Variants in MMP26 observed in about 807,000 individuals in gnomAD.
MMP26 encodes the protein matrix metallopeptidase 26.
Under a neutral mutation model 31.0 loss-of-function variants are expected in MMP26, and 33 were observed. That is an observed-to-expected ratio of 1.06 (90% CI 0.81 to 1.42). The LOEUF (loss-of-function observed/expected upper bound fraction) is 1.42, where lower values mean the gene tolerates loss of function less well. MMP26 is among the 40% of genes most tolerant of loss of function. The probability of loss-of-function intolerance (pLI) is 0.00; values close to 1 mark genes in which losing one functional copy is unlikely to be tolerated. For synonymous variants in MMP26, 122 were observed against 114.9 expected, an observed-to-expected ratio of 1.06 and a Z score of -0.40; for missense variants, 347 against 316.1, an observed-to-expected ratio of 1.10 and a Z score of -0.74.
chr11:4,821,476 A>C, intron 2 of MMP26: 2 of 1,613,348 alleles, frequency 1.2e-6, no homozygotes, highest in Non-Finnish European at 1.7e-6. Context: ...CCTGATGGGC[A>C]TTCCAGGCCT....
chr11:4,771,138 G>T (rs976592921), intron 2 of MMP26, among the ~76,000 whole-genome samples: 1 of 152,032 alleles, frequency 6.6e-6, no homozygotes, highest in African/African-American at 2.4e-5. Context: ...TTGCAAGATG[G>T]GACAGAATTC....
intron 2 of MMP26, chr11:4,924,188 A>G: frequency 6.2e-7 from 1 of 1,614,174 alleles, no homozygotes; most frequent in Non-Finnish European, 8.5e-7. Flanking sequence ...ATCAGTACAA[A>G]TGACGTGGAG....
In MMP26 at chr11:4,991,206, T is replaced by G. The variant is rs142090195; in HGVS notation, c.470-165T>G. Reference sequence around the variant, plus strand: ...CCTAGATAAGAGAGTAGGAAGATTTTGGGCCCCACCTTATTTCTCTGCATA... The same window carrying G: ...CCTAGATAAGAGAGTAGGAAGATTTGGGGCCCCACCTTATTTCTCTGCATA... On this transcript the variant is annotated intron_variant, in intron 5 of 7. Transcript: ENST00000380390. 7.2e-3 allele frequency among the ~76,000 whole-genome samples: 1,097 copies of G among 152,308 alleles called. 16 individuals carry two copies. The highest frequency in any genetic ancestry group is 0.025 in the African/African-American group (1,047 of 41,566).
intron 2 of MMP26, among the ~76,000 whole-genome samples, chr11:4,852,970 C>T (rs985566911): frequency 7.2e-5 from 11 of 152,068 alleles, no homozygotes; most frequent in East Asian, 5.8e-4. Context: ...AAATGCTGCA[C>T]GACCTCACTT....
At chr11:4,829,512 A>G (rs1849618324) in intron 2 of MMP26, among the ~76,000 whole-genome samples, 3 of 152,100 alleles carry the variant, frequency 2.0e-5, no homozygotes, top group African/African-American at 7.2e-5. Context: ...TATACAATTT[A>G]TTTATTTCTA....
At chr11:4,911,280 G>C (rs144878037) in intron 2 of MMP26, among the ~76,000 whole-genome samples, 1 of 152,040 alleles carries the variant, frequency 6.6e-6, no homozygotes, top group Non-Finnish European at 1.5e-5. Context: ...GCTTTGCTTA[G>C]GATGCTATTT....
intron 1 of MMP26, among the ~76,000 whole-genome samples, chr11:4,708,577 G>A (rs992741208): frequency 2.0e-5 from 3 of 152,052 alleles, no homozygotes; most frequent in African/African-American, 7.2e-5. Context: ...TAAGTAAAAG[G>A]GGAACATAAA....
At chr11:4,924,978 T>TTA (rs201921991) in intron 2 of MMP26, among the ~76,000 whole-genome samples, 73 of 152,188 alleles carry the variant, frequency 4.8e-4, no homozygotes, top group African/African-American at 1.5e-3. Flanking sequence ...CTCTATTGTG[T>TTA]TATATATATA....
chr11:4,983,581 T>A (rs1846844992), intron 2 of MMP26, among the ~76,000 whole-genome samples: 1 of 152,210 alleles, frequency 6.6e-6, no homozygotes, highest in Non-Finnish European at 1.5e-5. Flanking sequence ...GGCCAGATGT[T>A]TATACCCAGC....
At chr11:4,730,560 A>G (rs1459622923) in intron 1 of MMP26, among the ~76,000 whole-genome samples, 1 of 152,190 alleles carries the variant, frequency 6.6e-6, no homozygotes, top group Admixed American at 6.5e-5. Flanking sequence ...ATATTTTTCC[A>G]TTCATGAGAT....
intron 2 of MMP26, chr11:4,923,599 G>A: frequency 6.2e-7 from 1 of 1,614,166 alleles, no homozygotes; most frequent in African/African-American, 1.3e-5. Context: ...GTACAGCACA[G>A]ATATGAGAGA....
intron 2 of MMP26, among the ~76,000 whole-genome samples, chr11:4,917,343 G>A (rs535431300): frequency 1.3e-5 from 2 of 152,160 alleles, no homozygotes; most frequent in South Asian, 4.2e-4. Context: ...GGATTTGAAC[G>A]AATATTTGAT....
At chr11:4,907,832 T>C in intron 2 of MMP26, 1 of 1,613,816 alleles carries the variant, frequency 6.2e-7, no homozygotes. Context: ...GAGCATTCTC[T>C]TAGTGATTCC....
At chr11:4,813,880 A>G (rs1303686402) in intron 2 of MMP26, among the ~76,000 whole-genome samples, 1 of 152,216 alleles carries the variant, frequency 6.6e-6, no homozygotes, top group Admixed American at 6.5e-5. Context: ...GTCAAGTCAC[A>G]GAGAAAACAT....
rs192556757 is a variant in MMP26 at position 4,984,967 on chromosome 11, A to G, written c.-144-3101A>G. 2.0e-4 allele frequency among the ~76,000 whole-genome samples: 30 copies of G among 151,716 alleles called. No individual in the cohort carries two copies. The East Asian group carries it at 4.5e-3, about 23-fold the overall frequency. On this transcript the variant is annotated intron_variant, in intron 2 of 7. Transcript: ENST00000380390. ...TGAGAGACTTAGAGGATTTTTTTTTATTTTTGCTTCTTTCAAAACTACTAT... is the reference window on the plus strand; with the variant it reads ...TGAGAGACTTAGAGGATTTTTTTTTGTTTTTGCTTCTTTCAAAACTACTAT...
At chr11:4,916,592 A>C (rs1398876475) in intron 2 of MMP26, among the ~76,000 whole-genome samples, 1 of 152,048 alleles carries the variant, frequency 6.6e-6, no homozygotes, top group Non-Finnish European at 1.5e-5. Flanking sequence ...TTCTAGACAG[A>C]CCAACCCTTC....
At chr11:4,892,942 A>G (rs1850648450) in intron 2 of MMP26, among the ~76,000 whole-genome samples, 2 of 152,088 alleles carry the variant, frequency 1.3e-5, no homozygotes, top group East Asian at 3.9e-4. Context: ...ATAGCATTTT[A>G]TGTTTTCTTC....
intron 2 of MMP26, among the ~76,000 whole-genome samples, chr11:4,972,227 G>A (rs552061697): frequency 6.6e-6 from 1 of 152,044 alleles, no homozygotes; most frequent in South Asian, 2.1e-4. Flanking sequence ...TGCTAAAATC[G>A]AACAATATGG....
intron 4 of MMP26, 112 bp downstream of exon 4, chr11:4,989,980 C>A: frequency 1.3e-6 from 1 of 782,186 alleles, no homozygotes; most frequent in Non-Finnish European, 2.0e-6. Context: ...ATTGGCAGCC[C>A]GCTCAAAGCC....
Sources: gnomAD v4.1 joint callset for allele counts (sites outside exome capture counted in the v4.1 genomes callset) on GRCh38, gnomAD v4.1.1 for gene constraint, MANE v1.5 for transcripts, NCBI Gene and HGNC (gene_info 2026-07-23, HGNC 2026-07-21) for gene names.